SCAPER: variants seen among roughly 807,000 people sequenced by gnomAD.
The protein encoded by SCAPER is S phase cyclin A-associated protein in the endoplasmic reticulum.
In SCAPER, 98 loss-of-function variants were observed where a neutral mutation model predicts 182.2. That is an observed-to-expected ratio of 0.54 (90% CI 0.46 to 0.64). The LOEUF (loss-of-function observed/expected upper bound fraction) is 0.64, where lower values mean the gene tolerates loss of function less well. Ranked by LOEUF, SCAPER falls within the 30% of genes least tolerant of loss-of-function variation. SCAPER has a pLI of 0.00. For synonymous variants in SCAPER, 605 were observed against 564.6 expected (o/e 1.07, Z -1.01); for missense variants, 1,432 against 1,690.0 (o/e 0.85, Z 2.68).
intron 1 of SCAPER, among the ~76,000 whole-genome samples, chr15:76,898,551 T>A (rs947242358): frequency 6.6e-6 from 1 of 152,250 alleles, no homozygotes; most frequent in Non-Finnish European, 1.5e-5. Context: ...TGGAATATTA[T>A]TCATCCATAA....
chr15:76,649,976 G>C (rs1164922813), intron 21 of SCAPER, among the ~76,000 whole-genome samples: 1 of 152,074 alleles, frequency 6.6e-6, no homozygotes, highest in South Asian at 2.1e-4. Flanking sequence ...AAAGATAACT[G>C]AAAGATTGGA....
intron 17 of SCAPER, among the ~76,000 whole-genome samples, chr15:76,714,052 T>G (rs2059745987): frequency 6.6e-6 from 1 of 151,066 alleles, no homozygotes; most frequent in Non-Finnish European, 1.5e-5. Flanking sequence ...TCAGCAATTT[T>G]TTTTTTAAAA....
At chr15:76,585,901 T>C (rs1281340844) in intron 22 of SCAPER, among the ~76,000 whole-genome samples, 1 of 152,154 alleles carries the variant, frequency 6.6e-6, no homozygotes, top group Non-Finnish European at 1.5e-5. Context: ...GCTTAGAGAG[T>C]GTAGTTTTTA....
chr15:76,669,498 T>C (rs950830713), intron 20 of SCAPER, among the ~76,000 whole-genome samples: 2 of 152,350 alleles, frequency 1.3e-5, no homozygotes, highest in South Asian at 2.1e-4. Flanking sequence ...GCAAGTCATA[T>C]ATGAAAGCAC....
chr15:76,681,617 G>A (rs555377361), intron 20 of SCAPER, among the ~76,000 whole-genome samples: 2 of 152,256 alleles, frequency 1.3e-5, no homozygotes, highest in African/African-American at 4.8e-5. Context: ...CTGGAAACAC[G>A]GCATGGGGAT....
chr15:76,378,660 CT>C (rs1159262980), intron 28 of SCAPER, among the ~76,000 whole-genome samples: 1 of 152,154 alleles, frequency 6.6e-6, no homozygotes, highest in African/African-American at 2.4e-5. Flanking sequence ...AGGCTTATGA[CT>C]GATTCAACCA....
intron 5 of SCAPER, among the ~76,000 whole-genome samples, chr15:76,835,625 A>ACCAGAACAAGAC (rs2068866371): frequency 2.0e-5 from 3 of 152,162 alleles, no homozygotes; most frequent in Non-Finnish European, 4.4e-5. Flanking sequence ...TTCCCCTTGA[A>ACCAGAACAAGAC]AACCAGAACA....
intron 5 of SCAPER, among the ~76,000 whole-genome samples, chr15:76,820,140 G>A (rs1302353184): frequency 6.6e-6 from 1 of 152,080 alleles, no homozygotes; most frequent in Non-Finnish European, 1.5e-5. Context: ...CACTGTTGGT[G>A]GGACGGTAAA....
At chr15:76,861,348 G>A (rs954608514) in intron 3 of SCAPER, among the ~76,000 whole-genome samples, 3 of 152,148 alleles carry the variant, frequency 2.0e-5, no homozygotes, top group Non-Finnish European at 2.9e-5. Context: ...TTAAATTAAC[G>A]AGACAGTTAT....
chr15:76,536,220 C>T (rs1010785275), intron 23 of SCAPER, among the ~76,000 whole-genome samples: 3 of 151,848 alleles, frequency 2.0e-5, no homozygotes, highest in Admixed American at 6.6e-5. Context: ...TATTTTTGGC[C>T]AAGTGCGGTG....
chr15:76,744,254 A>C (rs368352682), intron 15 of SCAPER, among the ~76,000 whole-genome samples: 1 of 152,166 alleles, frequency 6.6e-6, no homozygotes. Context: ...TGTATCTCCA[A>C]AAGTAATTGG....
chr15:76,868,300 G>A (rs1240462812), intron 2 of SCAPER, among the ~76,000 whole-genome samples: 1 of 152,236 alleles, frequency 6.6e-6, no homozygotes, highest in East Asian at 1.9e-4. Context: ...GGCAGAGGCA[G>A]GAGAATTGCT....
intron 23 of SCAPER, among the ~76,000 whole-genome samples, chr15:76,507,209 T>A (rs2041660416): frequency 6.6e-6 from 1 of 152,038 alleles, no homozygotes; most frequent in African/African-American, 2.4e-5. Context: ...GGCGTTCTTA[T>A]AAGAGGAGAA....
intron 20 of SCAPER, among the ~76,000 whole-genome samples, chr15:76,697,702 C>T (rs1053125691): frequency 1.3e-5 from 2 of 152,030 alleles, no homozygotes; most frequent in African/African-American, 4.8e-5. Context: ...TGCAATGGCA[C>T]AATCTCAGCT....
rs1355243409 is a variant in SCAPER at position 76,366,115 on chromosome 15, ACACACAC to A, written c.3855+10040_3855+10046del. Among the ~76,000 whole-genome samples, 3 of 147,816 alleles carry A rather than the reference ACACACAC, an allele frequency of 2.0e-5. No individual in the cohort carries two copies. In the East Asian group the frequency reaches 5.9e-4, roughly 29 times the overall value. On this transcript the variant is annotated intron_variant, in intron 29 of 31. Transcript: ENST00000563290. Reference sequence around the variant, plus strand: ...CACACACACACACACACACACACACACACACACTACTGGAAAGATTATGTCCATTATA... The same window carrying A: ...CACACACACACACACACACACACACATACTGGAAAGATTATGTCCATTATA...
At position 76,775,110 on chromosome 15, in the gene SCAPER, T is replaced by G; in HGVS notation, c.780A>C (p.Lys260Asn). 6.2e-7 allele frequency: 1 copy of G among 1,607,646 alleles called. No homozygotes were observed. The highest frequency in any genetic ancestry group is 8.5e-7 in the Non-Finnish European group (1 of 1,177,114). ...VQKASRKNER[K>N]DAEGWETVQR... ...GAACGGTCTCCCATCCTTCAGCATC[T>G]TTCCGTTCTATGCAATTAAAGTAAA... is the stretch of plus-strand genomic sequence containing the variant. The change falls in exon 9 of 32, where the codon AAA becomes AAC. Residue 260 changes from lysine to asparagine, a missense_variant. By Grantham distance (94) the Lys-to-Asn change is moderately conservative. Transcript: ENST00000563290.
chr15:76,546,144 T>C (rs2045263320), intron 23 of SCAPER, among the ~76,000 whole-genome samples: 2 of 152,054 alleles, frequency 1.3e-5, no homozygotes, highest in South Asian at 2.1e-4. Flanking sequence ...TACCAGCAGG[T>C]TTAGTACCCT....
chr15:76,652,365 C>CATATATAT (rs2055197860), intron 21 of SCAPER, among the ~76,000 whole-genome samples: 4 of 27,630 alleles, frequency 1.4e-4, no homozygotes, highest in African/African-American at 5.8e-4. Context: ...CACACACACA[C>CATATATAT]ACACACATAT....
intron 21 of SCAPER, among the ~76,000 whole-genome samples, chr15:76,642,238 T>A (rs760734375): frequency 4.6e-5 from 7 of 152,196 alleles, no homozygotes; most frequent in Non-Finnish European, 1.0e-4. Context: ...GTTTTCTTTA[T>A]CTTCTAATCT....
Sources: allele counts gnomAD v4.1 joint callset (sites outside exome capture counted in the v4.1 genomes callset), GRCh38; gene constraint gnomAD v4.1.1; transcripts MANE v1.5; gene names NCBI Gene and HGNC (gene_info 2026-07-23, HGNC 2026-07-21).